GNA12: variants seen among roughly 807,000 people sequenced by gnomAD.
The protein encoded by GNA12 is G protein subunit alpha 12, also known as guanine nucleotide-binding protein subunit alpha-12.
A neutral mutation model predicts 26.0 loss-of-function variants in GNA12; 9 were observed. The observed-to-expected ratio is 0.35, with a 90% CI of 0.21 to 0.60. The LOEUF is 0.60. GNA12 is among the 20% of genes least tolerant of loss of function. The pLI is 0.78. For synonymous variants in GNA12, 264 were observed against 219.6 expected (o/e 1.20, Z -1.79); for missense variants, 405 against 525.8 (o/e 0.77, Z 2.25).
At chr7:2,780,048 GTACATATATATA>G (rs1248457382) in intron 2 of GNA12, among the ~76,000 whole-genome samples, 2,399 of 84,714 alleles carry the variant, frequency 0.028, 105 homozygotes, top group Admixed American at 0.077. Flanking sequence ...ACATTTCTGT[GTACATATATATA>G]TATATATATA....
intron 2 of GNA12, among the ~76,000 whole-genome samples, chr7:2,786,362 G>A (rs574284935): frequency 3.9e-5 from 6 of 152,228 alleles, no homozygotes; most frequent in Non-Finnish European, 7.4e-5. Flanking sequence ...GGCGCCTGGC[G>A]ATAAGACTGG....
chr7:2,750,284 A>C (rs1357877910), intron 2 of GNA12, among the ~76,000 whole-genome samples: 2 of 152,186 alleles, frequency 1.3e-5, no homozygotes, highest in African/African-American at 4.8e-5. Context: ...TGCTGCCCCC[A>C]AACTGCAGAG....
intron 2 of GNA12, among the ~76,000 whole-genome samples, chr7:2,780,048 G>GTGTGTGTATATATATATA (rs748113158): frequency 1.2e-5 from 1 of 84,734 alleles, no homozygotes; most frequent in Non-Finnish European, 2.2e-5. Context: ...ACATTTCTGT[G>GTGTGTGTATATATATATA]TACATATATA....
intron 2 of GNA12, among the ~76,000 whole-genome samples, chr7:2,789,132 C>CTATTTTTT (rs1202789852): frequency 0.012 from 878 of 72,806 alleles, 18 homozygotes; most frequent in Non-Finnish European, 0.018. Context: ...CTTCAGGCAT[C>CTATTTTTT]TTTTTTTTTT....
rs866158923 is a variant in GNA12, at chr7:2,830,418, G to A, written c.309+13435C>T. On this transcript the variant is annotated intron_variant, in intron 1 of 3. Transcript: ENST00000275364. ...TGGGTTTGTAGCCAAGTAGGCTCCT[G>A]ACCACTGCCATAGTGGGACAAACGC... Among the ~76,000 whole-genome samples, 6 of 152,324 alleles carry A rather than the reference G, an allele frequency of 3.9e-5. 1 individual carries two copies. The Middle Eastern group carries it at 0.017, about 432-fold the overall frequency.
chr7:2,790,444 C>A (rs1447659823), intron 2 of GNA12, among the ~76,000 whole-genome samples: 2 of 152,154 alleles, frequency 1.3e-5, no homozygotes, highest in Non-Finnish European at 2.9e-5. Context: ...ACATTTATAA[C>A]AATTATTTGC....
At position 2,844,106 on chromosome 7, in the gene GNA12, C is replaced by T. The variant is rs1779094893; in HGVS notation, c.56G>A (p.Gly19Glu). 1 of 994,944 alleles carries T rather than the reference C, an allele frequency of 1.0e-6. No individual in the cohort carries two copies. Among genetic ancestry groups the T allele is most frequent in the South Asian group, 4.5e-5 (1 of 22,256 alleles). The allele number at this position is 994,944 out of a possible 1,614,324, so 61.6% of individuals were successfully genotyped here. ...SRCLLPAEAG[G>E]ARERRAGSGA... ...GCTGCCCGCCCTGCGCTCGCGGGCC[C>T]CGCCGGCCTCGGCCGGCAGCAGGCA... is the stretch of plus-strand genomic sequence containing the variant. The change falls in exon 1 of 4, where the codon GGG (glycine) becomes GAG (glutamate). Residue 19 changes from glycine (G) to glutamate (E), a missense_variant. Transcript: ENST00000275364.
At chr7:2,843,544 G>A (rs536856394) in intron 1 of GNA12, among the ~76,000 whole-genome samples, 2 of 152,110 alleles carry the variant, frequency 1.3e-5, no homozygotes, top group Non-Finnish European at 2.9e-5. Context: ...TACTTCGGGA[G>A]GCTAAGGAGG....
chr7:2,843,244 A>AT (rs1779052481), intron 1 of GNA12, among the ~76,000 whole-genome samples: 1 of 152,164 alleles, frequency 6.6e-6, no homozygotes, highest in Non-Finnish European at 1.5e-5. Context: ...GACAGATACC[A>AT]TTCTGCTAGG....
At chr7:2,752,586 C>T (rs922698884) in intron 2 of GNA12, among the ~76,000 whole-genome samples, 1 of 152,132 alleles carries the variant, frequency 6.6e-6, no homozygotes. Context: ...AGAATCAATC[C>T]GTGAGTTCAG....
At position 2,746,432 on chromosome 7, in the gene GNA12, G is replaced by A. The variant is rs971760891; in HGVS notation, c.526-12931C>T. On this transcript the variant is annotated intron_variant, in intron 2 of 3. Coordinates refer to ENST00000275364, the MANE Select transcript of GNA12 (RefSeq NM_007353.3). ...CCTAAATGACTACTGGGTACATAATGAAATGAAGGCAGAAATAAAGATGTT... is the reference window on the plus strand; with the variant it reads ...CCTAAATGACTACTGGGTACATAATAAAATGAAGGCAGAAATAAAGATGTT... 4.2e-4 allele frequency among the ~76,000 whole-genome samples: 64 copies of A among 152,134 alleles called. 1 individual carries two copies. Among genetic ancestry groups the A allele is most frequent in the Non-Finnish European group, 8.1e-4 (55 of 68,032 alleles).
intron 2 of GNA12, among the ~76,000 whole-genome samples, chr7:2,774,801 C>T (rs1792037257): frequency 1.3e-5 from 2 of 152,194 alleles, no homozygotes; most frequent in Admixed American, 6.5e-5. Flanking sequence ...ACTTGTTTTT[C>T]CCCCCTTTTA....
intron 2 of GNA12, among the ~76,000 whole-genome samples, chr7:2,775,100 A>G (rs9332401): frequency 0.16 from 23,835 of 152,240 alleles, 1,972 homozygotes; most frequent in Non-Finnish European, 0.2. Context: ...GTTTTTGGAT[A>G]GACAATACAT....
chr7:2,840,221 C>T (rs1175698912), intron 1 of GNA12, among the ~76,000 whole-genome samples: 1 of 152,176 alleles, frequency 6.6e-6, no homozygotes, highest in African/African-American at 2.4e-5. Context: ...CTATTTCTTA[C>T]AACTGCATAG....
At chr7:2,778,164 G>T (rs1583273447) in intron 2 of GNA12, among the ~76,000 whole-genome samples, 1 of 152,080 alleles carries the variant, frequency 6.6e-6, no homozygotes, top group East Asian at 1.9e-4. Flanking sequence ...GGTTTAGTGA[G>T]AAGAGACTTA....
rs79937036 is a variant in GNA12 at position 2,738,443 on chromosome 7, C to T, written c.526-4942G>A. 7.4e-3 allele frequency among the ~76,000 whole-genome samples: 1,129 copies of T among 152,232 alleles called. 5 individuals carry two copies. Among genetic ancestry groups the T allele is most frequent in the Admixed American group, 0.012 (189 of 15,288 alleles). ...ACGCACCGGCGAAGGAGAAGAGCTC[C>T]GTGGCTGGAAGGAGGTTTCCGATAC... On this transcript the variant is annotated intron_variant, in intron 2 of 3. Transcript: ENST00000275364.
Position 2,794,939 on chromosome 7 carries a change from C to T in GNA12, c.514G>A (p.Glu172Lys). 2.5e-6 allele frequency: 4 copies of T among 1,613,460 alleles called. No homozygotes were observed. Among genetic ancestry groups the T allele is most frequent in the South Asian group, 1.1e-5 (1 of 91,060 alleles). ...GCCTACTCACTCACCAGCTGAAACT[C>T]GCTTCTCCGGCTGAAAGCCTCCCTG... ...GIREAFSRRSEFQLGESVKYF... is the reference protein window; with the variant it reads ...GIREAFSRRSKFQLGESVKYF... The change falls in exon 2 of 4, where the codon GAG becomes AAG. Residue 172 changes from glutamate to lysine, a missense_variant. By Grantham distance (56) the Glu-to-Lys change is moderately conservative. Coordinates refer to ENST00000275364, the MANE Select transcript of GNA12 (RefSeq NM_007353.3).
chr7:2,743,649 G>C (rs1019839244), intron 2 of GNA12, among the ~76,000 whole-genome samples: 3 of 152,146 alleles, frequency 2.0e-5, no homozygotes, highest in Admixed American at 2.0e-4. Flanking sequence ...TCCAACTGAG[G>C]TACCGGGTTC....
In GNA12 at chr7:2,737,269, G is replaced by GTTTTTT. The variant is rs1317020597; in HGVS notation, c.526-3769_526-3768insAAAAAA. On this transcript the variant is annotated intron_variant, in intron 2 of 3. Transcript: ENST00000275364. ...CATTCAGGAGCTATCTCACAGTTTTGTTTTGTTTTTTTTTTTTTTGTTTTT... is the reference window on the plus strand; with the variant it reads ...CATTCAGGAGCTATCTCACAGTTTTGTTTTTTTTTTGTTTTTTTTTTTTTTGTTTTT... 7.4e-3 allele frequency among the ~76,000 whole-genome samples: 280 copies of GTTTTTT among 38,092 alleles called. 24 individuals are homozygous for GTTTTTT. Among genetic ancestry groups the GTTTTTT allele is most frequent in the South Asian group, 0.016 (21 of 1,284 alleles). The allele number at this position is 38,092 out of a possible 152,430, so 25.0% of individuals were successfully genotyped here.
Sources: allele counts gnomAD v4.1 joint callset (sites outside exome capture counted in the v4.1 genomes callset), GRCh38; gene constraint gnomAD v4.1.1; transcripts MANE v1.5; gene names NCBI Gene and HGNC (gene_info 2026-07-23, HGNC 2026-07-21).